Variants in BRD10 observed in about 807,000 individuals in gnomAD.
The protein encoded by BRD10 is uncharacterized bromodomain-containing protein 10.
chr9:5,937,826 T>C, the BRD10 span, among the ~76,000 whole-genome samples: 1 of 152,232 alleles, frequency 6.6e-6, no homozygotes, highest in Non-Finnish European at 1.5e-5. Flanking sequence ...AGTTCTTAGT[T>C]GTGCAGAGTA....
the BRD10 span, among the ~76,000 whole-genome samples, chr9:5,890,156 T>C: frequency 6.6e-6 from 1 of 152,194 alleles, no homozygotes; most frequent in African/African-American, 2.4e-5. Context: ...TCAGATCCTT[T>C]TGTGGGTCAT....
At chr9:5,984,278 T>C in the BRD10 span, among the ~76,000 whole-genome samples, 2 of 152,124 alleles carry the variant, frequency 1.3e-5, no homozygotes, top group East Asian at 1.9e-4. Context: ...TAACAGTGTA[T>C]TGGGGGTTTA....
the BRD10 span, among the ~76,000 whole-genome samples, chr9:5,900,262 C>A: frequency 6.6e-6 from 1 of 152,172 alleles, no homozygotes; most frequent in Non-Finnish European, 1.5e-5. Context: ...CAAATTCAAA[C>A]TCTATGCCTC....
the BRD10 span, among the ~76,000 whole-genome samples, chr9:5,966,889 CTGGATCAATG>C: frequency 6.6e-6 from 1 of 152,088 alleles, no homozygotes; most frequent in African/African-American, 2.4e-5. Flanking sequence ...TTTTCACCAC[CTGGATCAATG>C]TGGAGCATTT....
At chr9:5,981,256 T>C in the BRD10 span, among the ~76,000 whole-genome samples, 207 of 152,354 alleles carry the variant, frequency 1.4e-3, no homozygotes, top group African/African-American at 4.8e-3. Flanking sequence ...CCTCATGAGG[T>C]TGCCTTGGGC....
At chr9:5,927,073 C>A in the BRD10 span, among the ~76,000 whole-genome samples, 1 of 152,114 alleles carries the variant, frequency 6.6e-6, no homozygotes. Flanking sequence ...ATTTCCCTTT[C>A]AATCTATAAG....
At chr9:5,939,444 C>A in the BRD10 span, among the ~76,000 whole-genome samples, 41 of 152,202 alleles carry the variant, frequency 2.7e-4, no homozygotes, top group African/African-American at 7.2e-4. Context: ...TAACTTATTT[C>A]CTATACTAAG....
At chr9:5,984,152 T>C in the BRD10 span, among the ~76,000 whole-genome samples, 4 of 152,254 alleles carry the variant, frequency 2.6e-5, no homozygotes, top group South Asian at 2.1e-4. Context: ...GATGGTATCA[T>C]GGATCAATAT....
At chr9:5,921,881 G>A in the BRD10 span, 96 of 1,613,982 alleles carry the variant, frequency 5.9e-5, no homozygotes, top group Non-Finnish European at 7.5e-5. Flanking sequence ...GTGGCCTAAT[G>A]TAAGTTTGAG....
chr9:5,973,889 C>A, the BRD10 span, among the ~76,000 whole-genome samples: 2 of 152,104 alleles, frequency 1.3e-5, no homozygotes, highest in South Asian at 2.1e-4. Context: ...CTCAAAAAAA[C>A]CAAAACAAAA....
the BRD10 span, among the ~76,000 whole-genome samples, chr9:6,004,966 T>A: frequency 2.4e-4 from 37 of 152,178 alleles, no homozygotes; most frequent in African/African-American, 8.0e-4. Flanking sequence ...CAACTTTAAT[T>A]AACTATTTGA....
the BRD10 span, among the ~76,000 whole-genome samples, chr9:5,978,510 ATATTT>A: frequency 6.6e-6 from 1 of 152,122 alleles, no homozygotes; most frequent in African/African-American, 2.4e-5. Flanking sequence ...ACATAATATT[ATATTT>A]TAGAAAAATT....
the BRD10 span, among the ~76,000 whole-genome samples, chr9:5,954,909 G>A: frequency 1.3e-5 from 2 of 152,032 alleles, no homozygotes; most frequent in South Asian, 2.1e-4. Flanking sequence ...TTAACAGGGC[G>A]AAACCCCGTC....
the BRD10 span, among the ~76,000 whole-genome samples, chr9:5,883,475 T>C: frequency 6.8e-6 from 1 of 146,894 alleles, no homozygotes; most frequent in Non-Finnish European, 1.5e-5. Context: ...TTTTTTTTTT[T>C]TTTTTTTTGA....
At chr9:5,913,298 T>C in the BRD10 span, among the ~76,000 whole-genome samples, 7 of 152,214 alleles carry the variant, frequency 4.6e-5, no homozygotes, top group African/African-American at 1.4e-4. Context: ...CTTGAGAATA[T>C]TGCAGACCTT....
At chr9:5,991,180 G>GTATATA in the BRD10 span, among the ~76,000 whole-genome samples, 6 of 150,226 alleles carry the variant, frequency 4.0e-5, no homozygotes, top group African/African-American at 1.5e-4. Context: ...GTGTGTGTGT[G>GTATATA]TATATATATA....
the BRD10 span, among the ~76,000 whole-genome samples, chr9:5,987,927 G>T: frequency 6.6e-6 from 1 of 152,166 alleles, no homozygotes; most frequent in African/African-American, 2.4e-5. Context: ...AGTAAGCACA[G>T]TTATCCAGGA....
the BRD10 span, chr9:6,007,997 G>C: frequency 3.9e-6 from 5 of 1,273,536 alleles, no homozygotes; most frequent in African/African-American, 1.6e-5. Context: ...CGCGAGGAGG[G>C]GGGAGAGAAG....
At chr9:5,959,790 CTGATA>C in the BRD10 span, among the ~76,000 whole-genome samples, 1 of 152,152 alleles carries the variant, frequency 6.6e-6, no homozygotes, top group Non-Finnish European at 1.5e-5. Flanking sequence ...TTTTACACAT[CTGATA>C]TATCTTATTT....
Sources: gnomAD v4.1 joint callset for allele counts (sites outside exome capture counted in the v4.1 genomes callset) on GRCh38, gnomAD v4.1.1 for gene constraint, MANE v1.5 for transcripts, NCBI Gene and HGNC (gene_info 2026-07-23, HGNC 2026-07-21) for gene names.